Variants in GLMN observed in about 807,000 individuals in gnomAD.
GLMN encodes the protein glomulin, FKBP associated protein, also known as glomulin.
GLMN carries 75 observed loss-of-function variants against 87.8 expected under a neutral mutation model. The observed-to-expected ratio is 0.85, with a 90% CI of 0.71 to 1.04. The LOEUF (loss-of-function observed/expected upper bound fraction) is 1.04, where lower values mean the gene tolerates loss of function less well. Ranked by LOEUF, GLMN falls within the 50% of genes least tolerant of loss-of-function variation. GLMN has a pLI of 0.00. For synonymous variants in GLMN, 206 were observed against 221.6 expected (o/e 0.93, Z 0.63); for missense variants, 588 against 658.8 (o/e 0.89, Z 1.18).
chr1:92,299,300 A>T (rs1650599965), upstream of GLMN, among the ~76,000 whole-genome samples: 1 of 152,070 alleles, frequency 6.6e-6, no homozygotes, highest in Non-Finnish European at 1.5e-5. Context: ...CGCCGTCCGC[A>T]CCTCCTGGGA....
chr1:92,320,423 C>T, the GLMN span, among the ~76,000 whole-genome samples: 74 of 152,228 alleles, frequency 4.9e-4, no homozygotes, highest in African/African-American at 1.6e-3. Context: ...CAGGCGCGCA[C>T]CGCCATGTCC....
chr1:92,336,936 T>G, the GLMN span, among the ~76,000 whole-genome samples: 1 of 152,076 alleles, frequency 6.6e-6, no homozygotes, highest in Non-Finnish European at 1.5e-5. Flanking sequence ...AGAGAATTGA[T>G]ATCAATTGTG....
chr1:92,246,547 T>C lies in GLMN; in HGVS notation c.1768A>G (p.Asn590Asp). Residue 590 changes from asparagine to aspartate, a missense_variant, in exon 19 of 19, where the codon AAT becomes GAT. Physicochemically the swap from Asn to Asp is conservative, Grantham distance 23 (BLOSUM62 1). Transcript: ENST00000370360. The part of the protein sequence containing the change: ...EIKTKSTSEE[N>D]IGIK ...TGGAACTTTCACTTTATCCCAATAT[T>C]TTCTTCAGAGGTAGACTTTGTTTTT... 1 of 1,408,294 alleles carries C rather than the reference T, an allele frequency of 7.1e-7. No homozygotes were observed. Among genetic ancestry groups the C allele is most frequent in the Non-Finnish European group, 1.0e-6 (1 of 992,350 alleles). 87.2% of individuals were successfully genotyped at this position (1,408,294 alleles called of 1,614,324 possible).
chr1:92,277,019 A>C (rs1647373406), intron 7 of GLMN, among the ~76,000 whole-genome samples: 1 of 152,156 alleles, frequency 6.6e-6, no homozygotes, highest in Non-Finnish European at 1.5e-5. Flanking sequence ...TCATCTGCCC[A>C]GTTATCCAAG....
chr1:92,332,929 T>G, the GLMN span, among the ~76,000 whole-genome samples: 4 of 152,152 alleles, frequency 2.6e-5, no homozygotes, highest in Admixed American at 2.6e-4. Context: ...TGTGGATTGT[T>G]TTCCCCCAAC....
At chr1:92,285,573 C>A (rs1467465917) in intron 7 of GLMN, among the ~76,000 whole-genome samples, 2 of 152,188 alleles carry the variant, frequency 1.3e-5, no homozygotes, top group Non-Finnish European at 2.9e-5. Context: ...TGTAACAAAC[C>A]TGCACGTTGT....
intron 8 of GLMN, among the ~76,000 whole-genome samples, chr1:92,270,914 G>A (rs1050033810): frequency 6.6e-6 from 1 of 152,144 alleles, no homozygotes; most frequent in Non-Finnish European, 1.5e-5. Context: ...AAGAGGAAAG[G>A]TGGTAGGAGA....
intron 7 of GLMN, among the ~76,000 whole-genome samples, chr1:92,281,657 TA>T (rs1648066309): frequency 6.6e-6 from 1 of 152,162 alleles, no homozygotes; most frequent in Admixed American, 6.6e-5. Context: ...ATGCTCCAAT[TA>T]AAAGACACAG....
chr1:92,263,712 C>T lies in GLMN; in HGVS notation c.1320G>A (p.Trp440Ter). The change falls in exon 15 of 19, where the codon TGG becomes TGA. Residue 440 changes from tryptophan (W) to a stop codon, truncating the protein, a stop_gained. Transcript: ENST00000370360. LOFTEE classifies it high-confidence loss of function. ...MSLKRTRNNK[W>*]FTGPQLISLL... is the part of the protein sequence containing the mutation. ...GGGAAATCAACTGTGGTCCTGTAAA[C>T]CATTTGTTGTTACGTGTTCTCTGAA... The T allele has an allele frequency of 1.9e-6, 3 of 1,584,962 alleles. No individual in the cohort carries two copies. The highest frequency in any genetic ancestry group is 2.6e-6 in the Non-Finnish European group (3 of 1,153,508).
the GLMN span, among the ~76,000 whole-genome samples, chr1:92,346,099 A>G: frequency 6.6e-6 from 1 of 151,742 alleles, no homozygotes. Context: ...ATTATTCTCT[A>G]TATTTTTTAC....
chr1:92,255,083 G>GA (rs543661361), intron 16 of GLMN, among the ~76,000 whole-genome samples: 6,525 of 135,748 alleles, frequency 0.048, 472 homozygotes, highest in African/African-American at 0.16. Context: ...CAAACGGAAA[G>GA]AAAAAAAAAA....
Position 92,247,092 on chromosome 1 carries a change from G to A in GLMN, c.1638C>T (p.Ile546=), listed in dbSNP as rs991293556. Residue 546 remains isoleucine (I), a synonymous_variant, in exon 18 of 19, where the codon ATC becomes ATT. Coordinates refer to ENST00000370360, the MANE Select transcript of GLMN (RefSeq NM_053274.3). ...LCSITVSGEE[I]PNMPPEMQLK... is the part of the protein sequence containing the mutation. ...GCTGCATTTCAGGAGGCATATTAGGGATCTCTTCTCCACTTACAGTTATAG... is the reference window on the plus strand; with the variant it reads ...GCTGCATTTCAGGAGGCATATTAGGAATCTCTTCTCCACTTACAGTTATAG... The A allele has an allele frequency of 1.9e-6, 3 of 1,575,602 alleles. No homozygotes were observed. The highest frequency in any genetic ancestry group is 1.7e-5 in the Admixed American group (1 of 59,944).
rs1337111379 is a variant in GLMN, at chr1:92,293,822, TG to T, written c.166-2286del. On this transcript the variant is annotated intron_variant, in intron 3 of 18. Coordinates refer to ENST00000370360, the MANE Select transcript of GLMN (RefSeq NM_053274.3). ...TCATTTGCAATAACATGGATGGGAC[TG>T]TAGACCATTATGTTAAGTGAAAGAA... 3.9e-5 allele frequency among the ~76,000 whole-genome samples: 6 copies of T among 152,172 alleles called. 1 individual carries two copies. The highest frequency in any genetic ancestry group is 8.8e-5 in the Non-Finnish European group (6 of 68,020).
rs147024591 is a variant in GLMN at position 92,260,551 on chromosome 1, G to A, written c.1473+2312C>T. Among the ~76,000 whole-genome samples, 1,107 of 151,972 alleles carry A rather than the reference G, an allele frequency of 7.3e-3. 9 individuals are homozygous for A. Among genetic ancestry groups the A allele is most frequent in the South Asian group, 0.015 (72 of 4,790 alleles). ...AATCATTTGAACCCAGGAGGTGGAC[G>A]ATGCAGTGAGCAGAGATCGTGCCAC... is the stretch of plus-strand genomic sequence containing the variant. On this transcript the variant is annotated intron_variant, in intron 16 of 18. Coordinates refer to ENST00000370360, the MANE Select transcript of GLMN (RefSeq NM_053274.3).
the GLMN span, chr1:92,336,411 C>G: frequency 6.2e-7 from 1 of 1,602,764 alleles, no homozygotes; most frequent in African/African-American, 1.3e-5. Flanking sequence ...ACTTAAAAAT[C>G]TTGTTCGAAC....
chr1:92,323,018 TTA>T, the GLMN span, among the ~76,000 whole-genome samples: 2 of 146,874 alleles, frequency 1.4e-5, no homozygotes, highest in African/African-American at 4.9e-5. Context: ...AATATATACT[TTA>T]TATTTTTATA....
intron 7 of GLMN, among the ~76,000 whole-genome samples, chr1:92,283,790 AT>A (rs1648383562): frequency 6.6e-6 from 1 of 152,218 alleles, no homozygotes; most frequent in South Asian, 2.1e-4. Context: ...TACAAAATCA[AT>A]GTGCAAAAAT....
chr1:92,315,185 C>A, the GLMN span, among the ~76,000 whole-genome samples: 6 of 151,738 alleles, frequency 4.0e-5, no homozygotes, highest in Admixed American at 3.9e-4. Context: ...TACTAATTGG[C>A]CTAATTTCAA....
At chr1:92,316,378 T>C in the GLMN span, among the ~76,000 whole-genome samples, 4 of 152,294 alleles carry the variant, frequency 2.6e-5, no homozygotes, top group South Asian at 4.1e-4. Flanking sequence ...TGTCTCAAAA[T>C]AGATTTGAAA....
Sources: gnomAD v4.1 joint callset for allele counts (sites outside exome capture counted in the v4.1 genomes callset) on GRCh38, gnomAD v4.1.1 for gene constraint, MANE v1.5 for transcripts, NCBI Gene and HGNC (gene_info 2026-07-23, HGNC 2026-07-21) for gene names.